Variants in IRS1 observed in about 807,000 individuals in gnomAD.
IRS1 encodes the protein insulin receptor substrate 1.
A neutral mutation model predicts 65.6 loss-of-function variants in IRS1; 34 were observed. The ratio of observed to expected loss-of-function variants is 0.52; its 90% CI spans 0.39 to 0.69. The LOEUF is 0.69. Ranked by LOEUF, IRS1 falls within the 30% of genes least tolerant of loss-of-function variation. The pLI, the probability that IRS1 is intolerant of heterozygous loss-of-function variation, is 0.00. For missense variants in IRS1, 1,641 were observed against 1,720.2 expected (o/e 0.95, Z 0.81); for synonymous variants, 699 against 683.5 (o/e 1.02, Z -0.35).
intron 1 of IRS1, among the ~76,000 whole-genome samples, chr2:226,737,386 C>A (rs1466504568): frequency 6.6e-6 from 1 of 152,110 alleles, no homozygotes; most frequent in Admixed American, 6.5e-5. Context: ...CATAAAGCAT[C>A]TTTTACTCAA....
chr2:226,797,413 G>C lies in IRS1; in HGVS notation c.1326C>G (p.Phe442Leu). 6.2e-7 allele frequency: 1 copy of C among 1,612,790 alleles called. No individual in the cohort carries two copies. Among genetic ancestry groups the C allele is most frequent in the African/African-American group, 1.3e-5 (1 of 75,044 alleles). The change falls in exon 1 of 2, where the codon TTC (phenylalanine) becomes TTG (leucine). Residue 442 changes from phenylalanine to leucine, a missense_variant. By Grantham distance (22) the Phe-to-Leu change is conservative. Around this residue, in one of 3 missense-constraint regions of IRS1, gnomAD observed 1,324 missense variants for 1,361.0 expected, o/e 0.97. Coordinates refer to ENST00000305123, the MANE Select transcript of IRS1 (RefSeq NM_005544.3). This position sits in a 1 kb window ranked among gnomAD's most constrained non-coding sequence, Gnocchi z 8.1. ...CCAGGGAATCCGGAGTGACACTGCG[G>C]AAGGAACTCCGGAAATCGCAGGGAC... ...GSSPCDFRSSFRSVTPDSLGH... is the reference protein window; with the variant it reads ...GSSPCDFRSSLRSVTPDSLGH...
At chr2:226,751,161 ATG>A (rs1463407659) in intron 1 of IRS1, among the ~76,000 whole-genome samples, 2 of 152,096 alleles carry the variant, frequency 1.3e-5, no homozygotes, top group Non-Finnish European at 2.9e-5. Context: ...CTAGAGAAGA[ATG>A]AGAAACTTCT....
chr2:226,759,894 G>A (rs577501397), intron 1 of IRS1, among the ~76,000 whole-genome samples: 7 of 152,172 alleles, frequency 4.6e-5, no homozygotes, highest in Admixed American at 3.9e-4. Context: ...AGAGTTATGC[G>A]CTGGGTGCTG....
chr2:226,791,660 G>A (rs1033200456), intron 1 of IRS1, among the ~76,000 whole-genome samples: 8 of 151,688 alleles, frequency 5.3e-5, no homozygotes, highest in Middle Eastern at 3.5e-3. Context: ...ACCGCCAGGG[G>A]ACCCGCGGAG....
intron 1 of IRS1, among the ~76,000 whole-genome samples, chr2:226,775,873 T>C (rs1939263589): frequency 6.6e-6 from 1 of 152,206 alleles, no homozygotes; most frequent in Non-Finnish European, 1.5e-5. Flanking sequence ...TTATACCGTA[T>C]TGTTTAGGGA....
chr2:226,780,252 C>T (rs1035140486), intron 1 of IRS1, among the ~76,000 whole-genome samples: 5 of 151,974 alleles, frequency 3.3e-5, no homozygotes, highest in African/African-American at 1.2e-4. Flanking sequence ...ATTAGCTGGG[C>T]ATGGTGGCAG....
At chr2:226,751,123 C>T (rs1938669352) in intron 1 of IRS1, among the ~76,000 whole-genome samples, 2 of 152,028 alleles carry the variant, frequency 1.3e-5, no homozygotes, top group Non-Finnish European at 2.9e-5. Context: ...GGAAATTTTC[C>T]AGGTGGGTAA....
chr2:226,760,449 G>A (rs971134308), intron 1 of IRS1, among the ~76,000 whole-genome samples: 1 of 152,138 alleles, frequency 6.6e-6, no homozygotes, highest in Non-Finnish European at 1.5e-5. Flanking sequence ...CTCACAGATA[G>A]CAAATCTAAT....
At chr2:226,779,071 T>C (rs558783328) in intron 1 of IRS1, among the ~76,000 whole-genome samples, 3 of 152,210 alleles carry the variant, frequency 2.0e-5, no homozygotes, top group Admixed American at 1.3e-4. Flanking sequence ...AGAAATTCAC[T>C]AACTCCTTAT....
intron 1 of IRS1, among the ~76,000 whole-genome samples, chr2:226,761,232 C>T (rs112579665): frequency 4.1e-4 from 63 of 152,242 alleles, no homozygotes; most frequent in African/African-American, 1.4e-3. Flanking sequence ...TGGTTTTTAA[C>T]GAGAAGAGCA....
intron 1 of IRS1, among the ~76,000 whole-genome samples, chr2:226,773,124 T>C (rs1373249556): frequency 6.6e-6 from 1 of 152,234 alleles, no homozygotes; most frequent in Non-Finnish European, 1.5e-5. Context: ...TAACTCTAGC[T>C]GGACTATTTC....
chr2:226,756,265 T>C (rs951547430), intron 1 of IRS1, among the ~76,000 whole-genome samples: 4 of 152,174 alleles, frequency 2.6e-5, no homozygotes, highest in Non-Finnish European at 5.9e-5. Context: ...AAAGTTCTGT[T>C]GCTAAAATCT....
At position 226,795,625 on chromosome 2, in the gene IRS1, T is replaced by C; in HGVS notation, c.3114A>G (p.Ser1038=). Reference sequence around the variant, plus strand: ...GCCCAGTCGGGGAAGCAGAGGCTGCTGAGGATGAGGAGGCAGCAGCCATGG... The same window carrying C: ...GCCCAGTCGGGGAAGCAGAGGCTGCCGAGGATGAGGAGGCAGCAGCCATGG... ...RATMAAASSS[S]AASASPTGPQ... is the part of the protein sequence containing the mutation. Residue 1038 remains serine (S), a synonymous_variant, in exon 1 of 2, where the codon TCA becomes TCG. Coordinates refer to ENST00000305123, the MANE Select transcript of IRS1 (RefSeq NM_005544.3). 3.7e-6 allele frequency: 6 copies of C among 1,612,628 alleles called. No individual in the cohort carries two copies. The East Asian group carries it at 6.7e-5, about 18-fold the overall frequency.
intron 1 of IRS1, among the ~76,000 whole-genome samples, chr2:226,769,688 A>G (rs1400790831): frequency 2.6e-5 from 4 of 152,244 alleles, no homozygotes; most frequent in Non-Finnish European, 5.9e-5. Flanking sequence ...AATGAGGCAG[A>G]TAACAGGGAA....
chr2:226,796,465 G>C lies in IRS1; in HGVS notation c.2274C>G (p.His758Gln). 2 of 1,613,620 alleles carry C rather than the reference G, an allele frequency of 1.2e-6. No homozygotes were observed. Among genetic ancestry groups the C allele is most frequent in the East Asian group, 4.5e-5 (2 of 44,884 alleles). The change falls in exon 1 of 2, where the codon CAC (histidine) becomes CAG (glutamine). Residue 758 changes from histidine to glutamine, a missense_variant. Transcript: ENST00000305123. ...DCYYGPEDPQ[H>Q]KPVLSYYSLP... Reference sequence around the variant, plus strand: ...ATGAGTAGTAGGAGAGGACTGGCTTGTGCTGGGGGTCCTCAGGGCCGTAGT... The same window carrying C: ...ATGAGTAGTAGGAGAGGACTGGCTTCTGCTGGGGGTCCTCAGGGCCGTAGT...
intron 1 of IRS1, among the ~76,000 whole-genome samples, chr2:226,779,160 C>T (rs1939333410): frequency 6.6e-6 from 1 of 152,210 alleles, no homozygotes; most frequent in South Asian, 2.1e-4. Context: ...CCAAGATCTT[C>T]ATGATTGGTT....
At chr2:226,749,524 C>T (rs957052327) in intron 1 of IRS1, among the ~76,000 whole-genome samples, 15 of 152,158 alleles carry the variant, frequency 9.9e-5, no homozygotes, top group African/African-American at 3.4e-4. Flanking sequence ...ACCTCTCAAA[C>T]GCATAGTTAG....
intron 1 of IRS1, among the ~76,000 whole-genome samples, chr2:226,777,132 G>C (rs1042253942): frequency 1.3e-5 from 2 of 152,120 alleles, no homozygotes; most frequent in African/African-American, 4.8e-5. Flanking sequence ...GGAAAACTGA[G>C]GAACTCTGAA....
At chr2:226,757,180 G>T (rs573937142) in intron 1 of IRS1, among the ~76,000 whole-genome samples, 1 of 152,204 alleles carries the variant, frequency 6.6e-6, no homozygotes, top group African/African-American at 2.4e-5. Flanking sequence ...CAACATCTGA[G>T]GGTACCTATA....
Sources: allele counts gnomAD v4.1 joint callset (sites outside exome capture counted in the v4.1 genomes callset), GRCh38; gene constraint gnomAD v4.1.1; regional missense constraint gnomAD v4.1.1; non-coding constraint Gnocchi (gnomAD v3.1); transcripts MANE v1.5; gene names NCBI Gene and HGNC (gene_info 2026-07-23, HGNC 2026-07-21).